The following ABCA4 variants were observed in gnomAD, a reference collection of about 807,000 sequenced individuals.
ABCA4 encodes the protein retinal-specific phospholipid-transporting ATPase ABCA4.
In ABCA4, 196 loss-of-function variants were observed where a neutral mutation model predicts 263.7. The observed-to-expected ratio is 0.74, with a 90% CI of 0.66 to 0.84. ABCA4 has a LOEUF of 0.84. Among genes scored for constraint, ABCA4 ranks in the 40% least tolerant of loss-of-function variants. The pLI, the probability that ABCA4 is intolerant of heterozygous loss-of-function variation, is 0.00. For missense variants in ABCA4, 2,792 were observed against 2,855.1 expected (o/e 0.98, Z 0.50); for synonymous variants, 1,133 against 1,094.2 (o/e 1.04, Z -0.70).
rs148896502 is a variant in ABCA4, at chr1:94,022,009, G to A, written c.4668-58C>T. On this transcript the variant is annotated intron_variant, in intron 32 of 49. Coordinates refer to ENST00000370225, the MANE Select transcript of ABCA4 (RefSeq NM_000350.3). ...GCCACGAACTTCACGCCTACTAGTA[G>A]CTCTCTCGGGTTTTGTAGGGAAACA... 4,579 of 1,405,760 alleles carry A rather than the reference G, an allele frequency of 3.3e-3. 16 individuals carry two copies. Among genetic ancestry groups the A allele is most frequent in the Non-Finnish European group, 4.0e-3 (3,986 of 991,944 alleles). The allele number at this position is 1,405,760 out of a possible 1,614,324, so 87.1% of individuals were successfully genotyped here.
chr1:94,087,736 C>T (rs1661869349), intron 6 of ABCA4, among the ~76,000 whole-genome samples: 1 of 152,230 alleles, frequency 6.6e-6, no homozygotes, highest in Non-Finnish European at 1.5e-5. Flanking sequence ...CACGGTTTCT[C>T]TGACTTTTGT....
chr1:94,067,886 C>T (rs1414603612), intron 11 of ABCA4, among the ~76,000 whole-genome samples: 2 of 152,170 alleles, frequency 1.3e-5, no homozygotes, highest in African/African-American at 4.8e-5. Flanking sequence ...CTGGAAAGAG[C>T]CTGTGTTTTT....
At chr1:94,088,503 C>T (rs1372830578) in intron 6 of ABCA4, among the ~76,000 whole-genome samples, 2 of 152,254 alleles carry the variant, frequency 1.3e-5, no homozygotes, top group Non-Finnish European at 2.9e-5. Context: ...GTCTGCTGGG[C>T]ATCTGCCTAG....
chr1:94,032,205 AG>A (rs1377414244), intron 26 of ABCA4, among the ~76,000 whole-genome samples, 162 bp from the exon 27 acceptor site: 2 of 152,070 alleles, frequency 1.3e-5, no homozygotes, highest in Non-Finnish European at 2.9e-5. Flanking sequence ...ATCTATTTCT[AG>A]TGTAAATTAC....
At chr1:94,044,860 A>G (rs1660630472) in intron 19 of ABCA4, 116 bp from the exon 20 acceptor site, 11 of 1,536,466 alleles carry the variant, frequency 7.2e-6, no homozygotes, top group Middle Eastern at 1.8e-4. Context: ...TGGGGCTGTC[A>G]GTCAAACTCA....
chr1:94,011,040 C>A, intron 39 of ABCA4, 111 bp from the exon 40 acceptor site: 1 of 1,590,952 alleles, frequency 6.3e-7, no homozygotes, highest in Non-Finnish European at 8.6e-7. Flanking sequence ...TGAGCAAGAG[C>A]CAAACACCCG....
At chr1:94,024,478 G>A (rs1234242403) in intron 31 of ABCA4, among the ~76,000 whole-genome samples, 3 of 152,174 alleles carry the variant, frequency 2.0e-5, no homozygotes, top group Non-Finnish European at 4.4e-5. Context: ...GCCCTGGCGT[G>A]TGCTGGACTC....
chr1:94,100,889 G>T (rs563161442), intron 5 of ABCA4, among the ~76,000 whole-genome samples: 204 of 152,332 alleles, frequency 1.3e-3, no homozygotes, highest in African/African-American at 4.8e-3. Flanking sequence ...CTGATAAGGA[G>T]CCCCGGAACT....
intron 35 of ABCA4, among the ~76,000 whole-genome samples, chr1:94,020,616 A>G (rs1659869824): frequency 6.6e-6 from 1 of 152,142 alleles, no homozygotes. Flanking sequence ...TTAGTGGATG[A>G]CCCTGGGCAT....
At chr1:94,020,674 C>A (rs995079633) in intron 35 of ABCA4, among the ~76,000 whole-genome samples, 3 of 152,256 alleles carry the variant, frequency 2.0e-5, no homozygotes, top group Non-Finnish European at 4.4e-5. Flanking sequence ...CAGGACCCCA[C>A]AACGTTGCTG....
chr1:94,075,163 G>T (rs560626354), intron 11 of ABCA4, among the ~76,000 whole-genome samples: 2 of 152,218 alleles, frequency 1.3e-5, no homozygotes, highest in Non-Finnish European at 2.9e-5. Context: ...GCCTGTTGGG[G>T]TGGGGTAGGG....
chr1:94,069,809 A>T (rs1661358467), intron 11 of ABCA4, among the ~76,000 whole-genome samples: 1 of 152,250 alleles, frequency 6.6e-6, no homozygotes, highest in Non-Finnish European at 1.5e-5. Flanking sequence ...CACCGCAAAC[A>T]GACATCTGAA....
At chr1:94,085,564 C>G (rs1427103970) in intron 6 of ABCA4, among the ~76,000 whole-genome samples, 1 of 152,166 alleles carries the variant, frequency 6.6e-6, no homozygotes, top group Admixed American at 6.5e-5. Flanking sequence ...CTCTAGCCCC[C>G]TCCCTTCCAA....
intron 7 of ABCA4, among the ~76,000 whole-genome samples, chr1:94,081,556 T>C (rs1305664921): frequency 1.3e-5 from 2 of 152,242 alleles, no homozygotes; most frequent in Non-Finnish European, 2.9e-5. Flanking sequence ...AATGAATTCT[T>C]CCATTTCCTT....
At chr1:94,023,570 G>A in intron 31 of ABCA4, 152 bp from the exon 32 acceptor site, 1 of 708,158 alleles carries the variant, frequency 1.4e-6, no homozygotes, top group Non-Finnish European at 2.5e-6. Flanking sequence ...AAGCCGCCCA[G>A]CCCTGGGACA....
chr1:94,093,673 G>A (rs1662036846), intron 6 of ABCA4, among the ~76,000 whole-genome samples: 1 of 152,170 alleles, frequency 6.6e-6, no homozygotes, highest in Admixed American at 6.5e-5. Flanking sequence ...GATCTGTCAT[G>A]AAAATAAGCC....
chr1:94,042,668 G>A (rs1453653460), intron 22 of ABCA4, 93 bp downstream of exon 22: 1 of 1,539,742 alleles, frequency 6.5e-7, no homozygotes, highest in African/African-American at 1.4e-5. Context: ...TGTGGTTCCT[G>A]TACTCAGCTA....
intron 3 of ABCA4, 68 bp downstream of exon 3, chr1:94,111,370 G>C: frequency 1.3e-6 from 2 of 1,581,876 alleles, no homozygotes; most frequent in Non-Finnish European, 1.7e-6. Context: ...GTGCACGCAC[G>C]TGTGCATTTC....
At chr1:94,020,104 G>A (rs1010174707) in intron 35 of ABCA4, among the ~76,000 whole-genome samples, 5 of 152,146 alleles carry the variant, frequency 3.3e-5, no homozygotes, top group African/African-American at 4.8e-5. Context: ...TGTCTATAGA[G>A]TCTCTTGAAT....
Sources: allele counts gnomAD v4.1 joint callset (sites outside exome capture counted in the v4.1 genomes callset), GRCh38; gene constraint gnomAD v4.1.1; transcripts MANE v1.5; gene names NCBI Gene and HGNC (gene_info 2026-07-23, HGNC 2026-07-21).